The following MYO10 variants were observed in gnomAD, a reference collection of about 807,000 sequenced individuals.
MYO10 encodes unconventional myosin-X.
A neutral mutation model predicts 257.3 loss-of-function variants in MYO10; 133 were observed. The ratio of observed to expected loss-of-function variants is 0.52; its 90% CI spans 0.45 to 0.60. The LOEUF (loss-of-function observed/expected upper bound fraction) is 0.60, where lower values mean the gene tolerates loss of function less well. Among genes scored for constraint, MYO10 ranks in the 20% least tolerant of loss-of-function variants. The pLI is 0.00. For synonymous variants in MYO10, 1,104 were observed against 1,028.6 expected, an observed-to-expected ratio of 1.07 and a Z score of -1.40; for missense variants, 2,399 against 2,635.7, an observed-to-expected ratio of 0.91 and a Z score of 1.97.
chr5:16,834,816 T>A (rs970476541), intron 2 of MYO10, among the ~76,000 whole-genome samples: 2 of 152,372 alleles, frequency 1.3e-5, no homozygotes, highest in Admixed American at 1.3e-4. Flanking sequence ...AGTCCTAGCT[T>A]TAAACATTAT....
intron 2 of MYO10, among the ~76,000 whole-genome samples, chr5:16,821,761 C>T (rs11743514): frequency 0.17 from 25,807 of 151,836 alleles, 2,388 homozygotes; most frequent in South Asian, 0.27. Context: ...CCACCGCGCC[C>T]GGCCCCTTTC....
intron 3 of MYO10, among the ~76,000 whole-genome samples, chr5:16,798,039 AAG>A (rs572505661): frequency 5.3e-5 from 8 of 152,344 alleles, no homozygotes; most frequent in African/African-American, 1.9e-4. Flanking sequence ...CTCTTAATAA[AAG>A]AGTAAGTTCG....
rs1391315353 is a variant in MYO10 at position 16,869,035 on chromosome 5, TTTGTTTTCAGA to T, written c.120+8563_120+8573del. ...AATCCTACTGCTTTGTTTTTTGTTT[TTTGTTTTCAGA>T]CAGAGTCTCGCTCTGTCGCCCAGCG... On this transcript the variant is annotated intron_variant, in intron 2 of 40. Coordinates refer to ENST00000513610, the MANE Select transcript of MYO10 (RefSeq NM_012334.3). Among the ~76,000 whole-genome samples the T allele has an allele frequency of 7.0e-4, 107 of 152,194 alleles. No homozygotes were observed. The Middle Eastern group carries it at 0.01, about 15-fold the overall frequency.
intron 2 of MYO10, among the ~76,000 whole-genome samples, chr5:16,837,188 T>C (rs1743339365): frequency 6.6e-6 from 1 of 152,082 alleles, no homozygotes; most frequent in African/African-American, 2.4e-5. Flanking sequence ...CAGAGGCCTG[T>C]AATCCCAGCT....
intron 3 of MYO10, among the ~76,000 whole-genome samples, chr5:16,808,556 T>C (rs1031476736): frequency 4.6e-5 from 7 of 152,184 alleles, no homozygotes; most frequent in Admixed American, 3.3e-4. Context: ...AATTAAACCA[T>C]CTCAAGAGAC....
chr5:16,738,664 G>A (rs951901547), intron 19 of MYO10, among the ~76,000 whole-genome samples: 2 of 152,002 alleles, frequency 1.3e-5, no homozygotes, highest in South Asian at 4.1e-4. Context: ...ATGTCAAGGC[G>A]GGTGGATCAT....
chr5:16,909,053 C>G (rs1203910353), intron 1 of MYO10, among the ~76,000 whole-genome samples: 1 of 152,144 alleles, frequency 6.6e-6, no homozygotes, highest in African/African-American at 2.4e-5. Flanking sequence ...GAAGAAATAC[C>G]TGAGACTGGG....
At position 16,830,679 on chromosome 5, in the gene MYO10, GCACA is replaced by G. The variant is rs1554000807; in HGVS notation, c.121-12516_121-12513del. Among the ~76,000 whole-genome samples the G allele has an allele frequency of 4.7e-5, 7 of 148,918 alleles. No homozygotes were observed. In the South Asian group the frequency reaches 6.4e-4, roughly 14 times the overall value. On this transcript the variant is annotated intron_variant, in intron 2 of 40. Transcript: ENST00000513610. ...AATCCTAACGTTATTTTTTTAATAGGCACACACACACACACACACACAGGGCGAC... is the reference window on the plus strand; with the variant it reads ...AATCCTAACGTTATTTTTTTAATAGGCACACACACACACACACAGGGCGAC...
At chr5:16,781,631 T>A (rs542978205) in intron 6 of MYO10, 74 bp downstream of exon 6, 1 of 1,406,836 alleles carries the variant, frequency 7.1e-7, no homozygotes, top group Non-Finnish European at 9.7e-7. Context: ...TCTTTTTCAA[T>A]CCTTATAATT....
rs189075866 is a variant in MYO10, at chr5:16,757,800, G to A, written c.1848+318C>T. Among the ~76,000 whole-genome samples, 369 of 152,188 alleles carry A rather than the reference G, an allele frequency of 2.4e-3. 2 individuals are homozygous for A. Among genetic ancestry groups the A allele is most frequent in the African/African-American group, 8.2e-3 (341 of 41,518 alleles). ...CCACCTCAGCCTCCTGAGTAGCTGG[G>A]ACTACAGGCATGCGCCACCGCACCC... On this transcript the variant is annotated intron_variant, in intron 18 of 40. Transcript: ENST00000513610.
chr5:16,888,156 C>A (rs558761988), intron 1 of MYO10, among the ~76,000 whole-genome samples: 4 of 152,148 alleles, frequency 2.6e-5, no homozygotes, highest in Non-Finnish European at 5.9e-5. Flanking sequence ...ACAAGTCCAT[C>A]CTTCCACCAA....
intron 1 of MYO10, among the ~76,000 whole-genome samples, chr5:16,930,238 T>C (rs978688107): frequency 6.6e-6 from 1 of 151,786 alleles, no homozygotes; most frequent in Non-Finnish European, 1.5e-5. Flanking sequence ...TTAGAGACGG[T>C]TTCAAAAAGG....
In MYO10 at chr5:16,830,679, G is replaced by GCACACACACACACACACACTCACA. The variant is rs1554000809; in HGVS notation, c.121-12513_121-12512insTGTGAGTGTGTGTGTGTGTGTGTG. On this transcript the variant is annotated intron_variant, in intron 2 of 40. Coordinates refer to ENST00000513610, the MANE Select transcript of MYO10 (RefSeq NM_012334.3). ...AATCCTAACGTTATTTTTTTAATAG[G>GCACACACACACACACACACTCACA]CACACACACACACACACACACAGGG... Among the ~76,000 whole-genome samples, 328 of 149,024 alleles carry GCACACACACACACACACACTCACA rather than the reference G, an allele frequency of 2.2e-3. 4 individuals are homozygous for GCACACACACACACACACACTCACA. The highest frequency in any genetic ancestry group is 7.7e-3 in the African/African-American group (309 of 40,302).
At chr5:16,907,419 A>G (rs1425002257) in intron 1 of MYO10, among the ~76,000 whole-genome samples, 1 of 152,116 alleles carries the variant, frequency 6.6e-6, no homozygotes, top group Non-Finnish European at 1.5e-5. Context: ...ATCCAACACT[A>G]TGGAAAAGAA....
intron 3 of MYO10, among the ~76,000 whole-genome samples, chr5:16,809,591 G>C (rs1008202590): frequency 6.6e-6 from 1 of 152,228 alleles, no homozygotes; most frequent in Non-Finnish European, 1.5e-5. Flanking sequence ...TTGCCTGACA[G>C]ATGCAGGCTT....
At chr5:16,909,781 G>T (rs1259127364) in intron 1 of MYO10, among the ~76,000 whole-genome samples, 1 of 152,088 alleles carries the variant, frequency 6.6e-6, no homozygotes, top group African/African-American at 2.4e-5. Context: ...GTTCATGATC[G>T]TGGGGGCAGA....
intron 27 of MYO10, 128 bp downstream of exon 27, chr5:16,694,243 T>C (rs1236200691): frequency 2.8e-6 from 4 of 1,409,638 alleles, no homozygotes; most frequent in African/African-American, 1.4e-5. Context: ...TTTAACCTAC[T>C]GAACTGAACT....
At chr5:16,745,791 G>A (rs1740176391) in intron 19 of MYO10, among the ~76,000 whole-genome samples, 1 of 152,186 alleles carries the variant, frequency 6.6e-6, no homozygotes, top group Admixed American at 6.5e-5. Flanking sequence ...CTTAGGAAAA[G>A]GGAGGATGAT....
chr5:16,687,037 C>T (rs1001132187), intron 28 of MYO10, among the ~76,000 whole-genome samples: 3 of 151,826 alleles, frequency 2.0e-5, no homozygotes, highest in African/African-American at 4.8e-5. Context: ...TAAAGGAAAA[C>T]GTGTCTGGGC....
Sources: gnomAD v4.1 joint callset for allele counts (sites outside exome capture counted in the v4.1 genomes callset) on GRCh38, gnomAD v4.1.1 for gene constraint, MANE v1.5 for transcripts, NCBI Gene and HGNC (gene_info 2026-07-23, HGNC 2026-07-21) for gene names.